Variants in DCUN1D1 observed in about 807,000 individuals in gnomAD.
DCUN1D1 encodes the protein defective in cullin neddylation 1 domain containing 1, also known as DCN1-like protein 1.
In DCUN1D1, 3 loss-of-function variants were observed where a neutral mutation model predicts 39.0. That is an observed-to-expected ratio of 0.08 (90% confidence interval 0.04 to 0.20). The LOEUF (loss-of-function observed/expected upper bound fraction) is 0.20. DCUN1D1 is among the 10% of genes least tolerant of loss of function. The pLI, the probability that DCUN1D1 is intolerant of heterozygous loss-of-function variation, is 1.00. For synonymous variants in DCUN1D1, 82 were observed against 96.3 expected (o/e 0.85, Z 0.87); for missense variants, 158 against 302.4 (o/e 0.52, Z 3.54).
chr3:182,961,923 G>T (rs536204876), intron 3 of DCUN1D1, among the ~76,000 whole-genome samples: 1 of 152,294 alleles, frequency 6.6e-6, no homozygotes, highest in South Asian at 2.1e-4. Context: ...CTTTCGAAGA[G>T]TTTGAAAAGC....
chr3:182,969,636 A>G (rs754742315), intron 1 of DCUN1D1, among the ~76,000 whole-genome samples: 2 of 152,224 alleles, frequency 1.3e-5, no homozygotes, highest in Non-Finnish European at 2.9e-5. Context: ...TCAGTATTCC[A>G]ATGTTAAAAC....
intron 4 of DCUN1D1, chr3:182,955,579 C>A (rs1727003269): frequency 6.1e-6 from 3 of 490,188 alleles, no homozygotes; most frequent in Non-Finnish European, 1.2e-5. Context: ...CTGACATACT[C>A]CATCAGGAGG....
intron 4 of DCUN1D1, among the ~76,000 whole-genome samples, chr3:182,948,586 G>A (rs1726538816): frequency 6.6e-6 from 1 of 152,208 alleles, no homozygotes; most frequent in South Asian, 2.1e-4. Flanking sequence ...TTAAGAAAGT[G>A]TTTAGTTTTT....
At chr3:182,973,486 A>G (rs904158904) in intron 1 of DCUN1D1, among the ~76,000 whole-genome samples, 1 of 152,234 alleles carries the variant, frequency 6.6e-6, no homozygotes, top group Non-Finnish European at 1.5e-5. Context: ...ATTGTGCACA[A>G]TGATACATTA....
chr3:182,953,990 TC>T (rs1726887826), intron 4 of DCUN1D1, among the ~76,000 whole-genome samples: 1 of 152,094 alleles, frequency 6.6e-6, no homozygotes, highest in South Asian at 2.1e-4. Context: ...CCAATCACAG[TC>T]CCTAAAAGAA....
chr3:182,980,046 C>A (rs1728453141), intron 1 of DCUN1D1: 1 of 517,462 alleles, frequency 1.9e-6, no homozygotes, highest in African/African-American at 2.1e-5. Flanking sequence ...GAGGGAAGCC[C>A]CGGCTTCGGG....
chr3:182,979,662 G>T (rs1439774784), intron 1 of DCUN1D1, among the ~76,000 whole-genome samples: 1 of 143,728 alleles, frequency 7.0e-6, no homozygotes, highest in Non-Finnish European at 1.5e-5. Context: ...ATCACAAATG[G>T]CCCTTAACTA....
rs1195343397 is a variant in DCUN1D1 at position 182,943,908 on chromosome 3, G to A, written c.*1186C>T. On this transcript the variant is annotated 3_prime_UTR_variant, in exon 7 of 7. Transcript: ENST00000292782. ...AGAAGCCAGATTGGTATTTTGCATC[G>A]TGTATGCTTGTTTGAAAATCTTTGC... 3.3e-5 allele frequency: 5 copies of A among 152,574 alleles called. No homozygotes were observed. The highest frequency in any genetic ancestry group is 1.2e-4 in the African/African-American group (5 of 41,446). The allele number at this position is 152,574 out of a possible 1,614,324, so 9.5% of individuals were successfully genotyped here.
chr3:182,945,504 A>G (rs946206474), intron 6 of DCUN1D1, among the ~76,000 whole-genome samples: 5 of 152,176 alleles, frequency 3.3e-5, no homozygotes, highest in Non-Finnish European at 7.4e-5. Flanking sequence ...TGGCAGCCTG[A>G]GGCAGGAGAA....
intron 4 of DCUN1D1, among the ~76,000 whole-genome samples, chr3:182,950,349 C>T (rs138595920): frequency 0.013 from 1,924 of 151,984 alleles, 45 homozygotes; most frequent in African/African-American, 0.045. Context: ...AGTTTCACTA[C>T]GTTGGCCAGG....
At chr3:182,959,752 C>T (rs1027293258) in intron 4 of DCUN1D1, among the ~76,000 whole-genome samples, 2 of 152,124 alleles carry the variant, frequency 1.3e-5, no homozygotes, top group Non-Finnish European at 2.9e-5. Context: ...CACCAAAACT[C>T]GTACTGAAAT....
At chr3:182,947,117 A>G in intron 6 of DCUN1D1, 121 bp downstream of exon 6, 1 of 605,106 alleles carries the variant, frequency 1.7e-6, no homozygotes. Context: ...AAACAAAAAC[A>G]AAACAAAAGC....
chr3:182,960,642 T>C (rs1196233297), intron 4 of DCUN1D1, among the ~76,000 whole-genome samples: 1 of 152,226 alleles, frequency 6.6e-6, no homozygotes, highest in African/African-American at 2.4e-5. Context: ...CTAATCTTTT[T>C]AGGTAATTTG....
chr3:182,962,115 G>C (rs1727428691), intron 3 of DCUN1D1, among the ~76,000 whole-genome samples: 1 of 151,968 alleles, frequency 6.6e-6, no homozygotes, highest in African/African-American at 2.4e-5. Flanking sequence ...ATTTTGATTT[G>C]AAAGTTCATT....
chr3:182,947,642 T>C lies in DCUN1D1; in HGVS notation c.521-10A>G. The C allele has an allele frequency of 7.0e-7, 1 of 1,428,752 alleles. No individual in the cohort carries two copies. The highest frequency in any genetic ancestry group is 9.7e-7 in the Non-Finnish European group (1 of 1,027,896). The allele number at this position is 1,428,752 out of a possible 1,614,324, so 88.5% of individuals were successfully genotyped here. A position where few individuals can be genotyped will look rare whatever the true frequency, so the allele number is the denominator to read the frequency against. On this transcript the variant is annotated splice_polypyrimidine_tract_variant and intron_variant, in intron 4 of 6. Transcript: ENST00000292782. The stretch of plus-strand genomic sequence containing the variant: ...ATGGCCATTTCTAGATCTGAAATAG[T>C]AAAAATGAATTATGTATTTAAATGC...
chr3:182,958,933 TAAGA>T (rs1284844027), intron 4 of DCUN1D1, among the ~76,000 whole-genome samples: 1 of 152,194 alleles, frequency 6.6e-6, no homozygotes, highest in African/African-American at 2.4e-5. Flanking sequence ...GCGATATAAC[TAAGA>T]AATAGGTTAT....
rs542219466 is a variant in DCUN1D1, at chr3:182,974,478, A to AT, written c.3+6008_3+6009insA. Among the ~76,000 whole-genome samples, 50 of 151,598 alleles carry AT rather than the reference A, an allele frequency of 3.3e-4. 1 individual carries two copies. The highest frequency in any genetic ancestry group is 1.2e-3 in the African/African-American group (48 of 41,484). On this transcript the variant is annotated intron_variant, in intron 1 of 6. Transcript: ENST00000292782. ...AACAAAAGATTACTGAGGCCAAAAA[A>AT]AAAAACCAACACACAAAAAATGAAA...
intron 1 of DCUN1D1, among the ~76,000 whole-genome samples, chr3:182,972,259 T>A (rs1485422614): frequency 6.6e-6 from 1 of 151,986 alleles, no homozygotes; most frequent in Non-Finnish European, 1.5e-5. Context: ...GGTTCCCTTT[T>A]CCAAAGAGAA....
rs1162373219 is a variant in DCUN1D1 at position 182,943,078 on chromosome 3, G to A, written c.*2016C>T. On this transcript the variant is annotated 3_prime_UTR_variant, in exon 7 of 7. Transcript: ENST00000292782. ...TGTAAAATCCAAGGCACTAGGCCAC[G>A]AACCAATATGACTTTTAAAGAAAAC... is the stretch of plus-strand genomic sequence containing the variant. The A allele has an allele frequency of 1.3e-4, 14 of 105,030 alleles. No individual in the cohort carries two copies. Among genetic ancestry groups the A allele is most frequent in the African/African-American group, 2.2e-4 (6 of 27,572 alleles). 6.5% of individuals were successfully genotyped at this position (105,030 alleles called of 1,614,324 possible). A position where few individuals can be genotyped will look rare whatever the true frequency, so the allele number is the denominator to read the frequency against.
Sources: allele counts gnomAD v4.1 joint callset (sites outside exome capture counted in the v4.1 genomes callset), GRCh38; gene constraint gnomAD v4.1.1; transcripts MANE v1.5; gene names NCBI Gene and HGNC (gene_info 2026-07-23, HGNC 2026-07-21).